The following FBLN2 variants were observed in gnomAD, a reference collection of about 807,000 sequenced individuals.
The protein encoded by FBLN2 is fibulin-2.
Under a neutral mutation model 123.7 loss-of-function variants are expected in FBLN2, and 81 were observed. That is an observed-to-expected ratio of 0.65 (90% CI 0.55 to 0.79). The LOEUF (loss-of-function observed/expected upper bound fraction) is 0.79, where lower values mean the gene tolerates loss of function less well. Ranked by LOEUF, FBLN2 falls within the 30% of genes least tolerant of loss-of-function variation. The probability of loss-of-function intolerance (pLI) is 0.00; values close to 1 mark genes in which losing one functional copy is unlikely to be tolerated. For missense variants in FBLN2, 1,603 were observed against 1,681.3 expected (o/e 0.95, Z 0.81); for synonymous variants, 699 against 701.4 (o/e 1.00, Z 0.05).
chr3:13,553,171 G>A (rs1425622929), intron 1 of FBLN2, among the ~76,000 whole-genome samples: 1 of 152,176 alleles, frequency 6.6e-6, no homozygotes, highest in Non-Finnish European at 1.5e-5. Context: ...GGCTGGCAAG[G>A]CCAACTAGAC....
At chr3:13,585,634 C>G (rs909024976) in intron 2 of FBLN2, among the ~76,000 whole-genome samples, 1 of 152,178 alleles carries the variant, frequency 6.6e-6, no homozygotes, top group Non-Finnish European at 1.5e-5. Flanking sequence ...ATACAAAAGC[C>G]TAGCACATGG....
In FBLN2 at chr3:13,556,152, C is replaced by T. The variant is rs114351308; in HGVS notation, c.-42+6944C>T. Reference sequence around the variant, plus strand: ...GCCCTAAGACTGTCCTGGCGGGTTCCGGCTGCTATAACAAATGTCACAGAT... The same window carrying T: ...GCCCTAAGACTGTCCTGGCGGGTTCTGGCTGCTATAACAAATGTCACAGAT... On this transcript the variant is annotated intron_variant, in intron 1 of 17. Coordinates refer to ENST00000404922, the MANE Select transcript of FBLN2 (RefSeq NM_001004019.2). Among the ~76,000 whole-genome samples, 274 of 152,302 alleles carry T rather than the reference C, an allele frequency of 1.8e-3. 2 individuals carry two copies. The highest frequency in any genetic ancestry group is 5.9e-3 in the African/African-American group (245 of 41,560).
intron 2 of FBLN2, among the ~76,000 whole-genome samples, chr3:13,604,199 T>C (rs1705132052): frequency 6.6e-6 from 1 of 152,242 alleles, no homozygotes; most frequent in East Asian, 1.9e-4. Flanking sequence ...TTCACTCTGA[T>C]GGTAGTTTCT....
chr3:13,559,485 C>T (rs953574305), intron 1 of FBLN2, among the ~76,000 whole-genome samples: 1 of 152,126 alleles, frequency 6.6e-6, no homozygotes, highest in Non-Finnish European at 1.5e-5. Flanking sequence ...GCTGTTTGCC[C>T]AGTGTTTTAC....
At chr3:13,597,693 G>A (rs1227602004) in intron 2 of FBLN2, among the ~76,000 whole-genome samples, 2 of 152,218 alleles carry the variant, frequency 1.3e-5, no homozygotes, top group African/African-American at 4.8e-5. Context: ...CAGGGTCGTG[G>A]GTGTGGCGCC....
intron 16 of FBLN2, among the ~76,000 whole-genome samples, chr3:13,632,425 C>A (rs1000719426): frequency 6.6e-6 from 1 of 152,168 alleles, no homozygotes; most frequent in Non-Finnish European, 1.5e-5. Flanking sequence ...TTTCTTGGCC[C>A]GCAAAAGCAG....
intron 15 of FBLN2, 73 bp from the exon 16 acceptor site, chr3:13,631,256 G>A: frequency 5.2e-6 from 8 of 1,542,602 alleles, no homozygotes; most frequent in East Asian, 2.4e-5. Context: ...CTGTGACAGG[G>A]ACAGGCTGAC....
chr3:13,590,801 A>G (rs906939280), intron 2 of FBLN2, among the ~76,000 whole-genome samples: 2 of 152,210 alleles, frequency 1.3e-5, no homozygotes, highest in East Asian at 1.9e-4. Context: ...GTAGGAATAA[A>G]TCATAGTTTT....
rs199912154 is a variant in FBLN2, at chr3:13,631,446, G to A, written c.3203G>A (p.Arg1068Lys). 7.5e-6 allele frequency: 12 copies of A among 1,591,602 alleles called. No homozygotes were observed. The East Asian group carries it at 2.7e-4, about 36-fold the overall frequency. Residue 1068 changes from arginine to lysine, a missense_variant, in exon 16 of 18, where the codon AGG becomes AAG. Transcript: ENST00000404922. The stretch of plus-strand genomic sequence containing the variant: ...GGCTACACCATGACGGCCAACGGGA[G>A]GTCCTGCAAGGGTGAGCAAGTCCCC... ...EQGYTMTANG[R>K]SCKDVDECAL...
chr3:13,620,065 G>T (rs1705795780), intron 8 of FBLN2, among the ~76,000 whole-genome samples: 2 of 152,286 alleles, frequency 1.3e-5, no homozygotes, highest in Non-Finnish European at 2.9e-5. Context: ...TAGGAATGGG[G>T]CCCGGGCTCC....
chr3:13,558,963 T>C (rs1049529831), intron 1 of FBLN2, among the ~76,000 whole-genome samples: 6 of 151,830 alleles, frequency 4.0e-5, no homozygotes, highest in Admixed American at 2.0e-4. Context: ...AGATAAGGGG[T>C]TGGGAACTAG....
intron 2 of FBLN2, among the ~76,000 whole-genome samples, chr3:13,589,833 T>C (rs1704614485): frequency 6.6e-6 from 1 of 152,216 alleles, no homozygotes; most frequent in South Asian, 2.1e-4. Flanking sequence ...AGATATTTGG[T>C]TTATTTTTGG....
intron 2 of FBLN2, among the ~76,000 whole-genome samples, chr3:13,592,971 C>T (rs534141030): frequency 6.6e-6 from 1 of 152,308 alleles, no homozygotes; most frequent in African/African-American, 2.4e-5. Context: ...GTTGTCTATG[C>T]TCTCTCATCC....
In FBLN2 at chr3:13,571,004, C is replaced by T. The variant is rs1175916153; in HGVS notation, c.649C>T (p.Gln217Ter). 1.3e-6 allele frequency: 2 copies of T among 1,598,696 alleles called. No individual in the cohort carries two copies. The highest frequency in any genetic ancestry group is 1.7e-6 in the Non-Finnish European group (2 of 1,172,986). ...AGCAACAGCCCTGGGGGGTGAGGTC[C>T]AGGCGGGTGCAGTCCAGGCAGGCGC... ...EAATALGGEV[Q>*]AGAVQAGAGG... The change falls in exon 2 of 18, where the codon CAG (glutamine) becomes TAG (stop). Residue 217 changes from glutamine to a stop codon, truncating the protein, a stop_gained. Transcript: ENST00000404922. LOFTEE classifies it high-confidence loss of function.
At chr3:13,631,127 G>T (rs1706239971) in intron 15 of FBLN2, among the ~76,000 whole-genome samples, 1 of 152,214 alleles carries the variant, frequency 6.6e-6, no homozygotes, top group Non-Finnish European at 1.5e-5. Flanking sequence ...TCACGGAGCA[G>T]CCCTAGGGCA....
At chr3:13,563,572 G>A (rs997541408) in intron 1 of FBLN2, among the ~76,000 whole-genome samples, 47 of 152,308 alleles carry the variant, frequency 3.1e-4, no homozygotes, top group Admixed American at 1.9e-3. Flanking sequence ...TCTCCTGAGC[G>A]CTCTCCCCCG....
chr3:13,627,825 G>A lies in FBLN2; in HGVS notation c.2432-7G>A, dbSNP rs774578918. On this transcript the variant is annotated splice_region_variant and splice_polypyrimidine_tract_variant and intron_variant, in intron 10 of 17. Transcript: ENST00000404922. ...CCAGCCCTTGACACCCAGCCTCTCC[G>A]CTGCAGACGTGGATGAGTGTGCGAT... The A allele has an allele frequency of 3.7e-5, 59 of 1,611,200 alleles. No individual in the cohort carries two copies. The highest frequency in any genetic ancestry group is 7.7e-5 in the South Asian group (7 of 90,732).
In FBLN2 at chr3:13,630,774, G is replaced by T. The variant is rs201224373; in HGVS notation, c.3044G>T (p.Arg1015Leu). Residue 1015 changes from arginine (R) to leucine (L), a missense_variant, in exon 15 of 18, where the codon CGC (arginine) becomes CTC (leucine). Arg to Leu is a moderately radical substitution (Grantham distance 102, BLOSUM62 -2). Transcript: ENST00000404922. Reference protein sequence around the residue: ...NIYGSYQCYCRQGYQLAEDGH... With the variant: ...NIYGSYQCYCLQGYQLAEDGH... The stretch of plus-strand genomic sequence containing the variant: ...TATGGCTCCTACCAGTGCTACTGCC[G>T]CCAGGGCTACCAGCTGGCTGAGGAT... The T allele has an allele frequency of 3.1e-6, 5 of 1,608,828 alleles. No individual in the cohort carries two copies. Among genetic ancestry groups the T allele is most frequent in the Admixed American group, 1.7e-5 (1 of 59,554 alleles).
chr3:13,581,798 G>A (rs1704341242), intron 2 of FBLN2, among the ~76,000 whole-genome samples: 1 of 152,188 alleles, frequency 6.6e-6, no homozygotes, highest in Non-Finnish European at 1.5e-5. Flanking sequence ...CTACAGCAAA[G>A]GGATTACGAG....
Sources: allele counts gnomAD v4.1 joint callset (sites outside exome capture counted in the v4.1 genomes callset), GRCh38; gene constraint gnomAD v4.1.1; transcripts MANE v1.5; gene names NCBI Gene and HGNC (gene_info 2026-07-23, HGNC 2026-07-21).